FAM13A: variants seen among roughly 807,000 people sequenced by gnomAD.
FAM13A encodes family with sequence similarity 13 member A, also known as protein FAM13A.
A neutral mutation model predicts 129.6 loss-of-function variants in FAM13A; 76 were observed. That is an observed-to-expected ratio of 0.59 (90% confidence interval 0.49 to 0.71). FAM13A has a LOEUF of 0.71. FAM13A is among the 30% of genes least tolerant of loss of function. The pLI, the probability that FAM13A is intolerant of heterozygous loss-of-function variation, is 0.00. For synonymous variants in FAM13A, 443 were observed against 449.9 expected, an observed-to-expected ratio of 0.98 and a Z score of 0.20; for missense variants, 1,108 against 1,249.3, an observed-to-expected ratio of 0.89 and a Z score of 1.70.
Position 88,728,262 on chromosome 4 carries a change from T to C in FAM13A, c.*271A>G. 2.1e-6 allele frequency: 1 copy of C among 480,550 alleles called. No individual in the cohort carries two copies. The highest frequency in any genetic ancestry group is 3.8e-6 in the Non-Finnish European group (1 of 264,286). 29.8% of individuals were successfully genotyped at this position (480,550 alleles called of 1,614,324 possible). The stretch of plus-strand genomic sequence containing the variant: ...TAGTGTTAGGAAAGCTCCACTACTG[T>C]GTGTGTGTGTGCGTGCATGCGCGTG... On this transcript the variant is annotated 3_prime_UTR_variant, in exon 24 of 24. Transcript: ENST00000264344.
chr4:88,906,307 A>G (rs1054087396), intron 6 of FAM13A, 72 bp downstream of exon 6: 1 of 1,077,358 alleles, frequency 9.3e-7, no homozygotes, highest in Non-Finnish European at 1.4e-6. Flanking sequence ...AAACAAACAA[A>G]CAAAAACAAC....
chr4:88,978,362 T>C (rs1467675868), intron 4 of FAM13A, among the ~76,000 whole-genome samples: 4 of 152,176 alleles, frequency 2.6e-5, no homozygotes, highest in South Asian at 2.1e-4. Flanking sequence ...CACTTTTTTA[T>C]ACAAACAGAA....
At chr4:88,953,908 T>C (rs1757333201) in intron 4 of FAM13A, among the ~76,000 whole-genome samples, 1 of 152,184 alleles carries the variant, frequency 6.6e-6, no homozygotes, top group South Asian at 2.1e-4. Flanking sequence ...CCTCTTCTTG[T>C]ACGTATTTTT....
intron 4 of FAM13A, among the ~76,000 whole-genome samples, chr4:88,977,920 T>A (rs1244059066): frequency 6.6e-6 from 1 of 152,196 alleles, no homozygotes; most frequent in African/African-American, 2.4e-5. Context: ...TAATGTATAA[T>A]ATCATCTCCA....
intron 1 of FAM13A, among the ~76,000 whole-genome samples, chr4:89,055,787 G>C (rs752315983): frequency 6.6e-6 from 1 of 152,180 alleles, no homozygotes; most frequent in African/African-American, 2.4e-5. Flanking sequence ...CTAAGCCTCA[G>C]AGTTAAAAGG....
chr4:89,054,869 C>G (rs141001011), intron 1 of FAM13A, among the ~76,000 whole-genome samples: 5 of 152,062 alleles, frequency 3.3e-5, no homozygotes, highest in Non-Finnish European at 5.9e-5. Flanking sequence ...CTCAGGGAAA[C>G]GCTGTCCCAG....
chr4:88,744,244 T>C (rs1424627905), intron 19 of FAM13A, among the ~76,000 whole-genome samples: 3 of 152,300 alleles, frequency 2.0e-5, no homozygotes, highest in East Asian at 3.9e-4. Context: ...CTCCCCTCTA[T>C]GGTCATTATC....
chr4:89,036,758 C>A (rs1385986543), intron 1 of FAM13A, among the ~76,000 whole-genome samples: 2 of 152,214 alleles, frequency 1.3e-5, no homozygotes, highest in African/African-American at 4.8e-5. Context: ...CTCTGCTCAG[C>A]CGCAGGACAC....
chr4:89,014,207 G>C (rs149814077), intron 3 of FAM13A, among the ~76,000 whole-genome samples: 1 of 152,174 alleles, frequency 6.6e-6, no homozygotes, highest in Non-Finnish European at 1.5e-5. Context: ...CAGTAGGAAC[G>C]CACTCAGTAA....
At chr4:88,835,268 C>T (rs548547337) in intron 7 of FAM13A, among the ~76,000 whole-genome samples, 48 of 152,108 alleles carry the variant, frequency 3.2e-4, no homozygotes, top group Admixed American at 4.6e-4. Context: ...TAGCTCATAC[C>T]CATCCATCAA....
intron 7 of FAM13A, among the ~76,000 whole-genome samples, chr4:88,825,280 A>T (rs1732785878): frequency 6.6e-6 from 1 of 150,510 alleles, no homozygotes; most frequent in Admixed American, 6.6e-5. Flanking sequence ...CAGTGGCGTG[A>T]TCTCGGCTCA....
intron 5 of FAM13A, among the ~76,000 whole-genome samples, chr4:88,908,557 T>C (rs1748536673): frequency 6.6e-6 from 1 of 152,238 alleles, no homozygotes; most frequent in Admixed American, 6.5e-5. Context: ...GCCCTGTCTC[T>C]GTGAATTAAT....
At chr4:88,757,187 C>A (rs1743831729) in intron 14 of FAM13A, among the ~76,000 whole-genome samples, 1 of 152,116 alleles carries the variant, frequency 6.6e-6, no homozygotes, top group African/African-American at 2.4e-5. Context: ...AGAGTATTCT[C>A]AGCTTTATAT....
chr4:88,775,106 A>ATTT (rs1246572003), intron 11 of FAM13A, among the ~76,000 whole-genome samples: 3 of 152,184 alleles, frequency 2.0e-5, no homozygotes, highest in Non-Finnish European at 1.5e-5. Flanking sequence ...TCCAAGCATG[A>ATTT]TTTATGGGAG....
intron 6 of FAM13A, among the ~76,000 whole-genome samples, chr4:88,869,767 T>C (rs892719669): frequency 4.6e-5 from 7 of 152,208 alleles, no homozygotes; most frequent in African/African-American, 9.6e-5. Flanking sequence ...TGGCATGTGA[T>C]AGACAATTAT....
intron 6 of FAM13A, among the ~76,000 whole-genome samples, chr4:88,904,045 T>G (rs961955288): frequency 6.6e-6 from 1 of 152,134 alleles, no homozygotes; most frequent in Non-Finnish European, 1.5e-5. Flanking sequence ...ATTAGATACA[T>G]GGAAATCAAA....
rs1553915548 is a variant in FAM13A at position 88,987,849 on chromosome 4, A to AAAAAC, written c.605+3123_605+3124insGTTTT. Among the ~76,000 whole-genome samples, 11 of 150,454 alleles carry AAAAAC rather than the reference A, an allele frequency of 7.3e-5. 1 individual carries two copies. The highest frequency in any genetic ancestry group is 1.6e-4 in the Non-Finnish European group (11 of 67,730). ...AGTGAGACTCCTCTCAAAAAAAAAA[A>AAAAAC]AAAAAACTTAATCTGAATATAACTT... On this transcript the variant is annotated intron_variant, in intron 4 of 23. Transcript: ENST00000264344.
intron 8 of FAM13A, among the ~76,000 whole-genome samples, chr4:88,792,316 G>A (rs1175861896): frequency 6.6e-6 from 1 of 152,028 alleles, no homozygotes; most frequent in Non-Finnish European, 1.5e-5. Flanking sequence ...AAAGGTTTTA[G>A]CTCAGAGTCT....
chr4:88,946,244 A>G (rs1048674507), intron 4 of FAM13A, among the ~76,000 whole-genome samples: 2 of 151,664 alleles, frequency 1.3e-5, no homozygotes, highest in Non-Finnish European at 2.9e-5. Flanking sequence ...TATTCCAGCC[A>G]ATGGAAACTG....
Sources: gnomAD v4.1 joint callset for allele counts (sites outside exome capture counted in the v4.1 genomes callset) on GRCh38, gnomAD v4.1.1 for gene constraint, MANE v1.5 for transcripts, NCBI Gene and HGNC (gene_info 2026-07-23, HGNC 2026-07-21) for gene names.